The following STARD13 variants were observed in gnomAD, a reference collection of about 807,000 sequenced individuals.
STARD13 encodes the protein StAR related lipid transfer domain containing 13.
In STARD13, 62 loss-of-function variants were observed where a neutral mutation model predicts 106.4. The observed-to-expected ratio is 0.58, with a 90% confidence interval of 0.48 to 0.72. The LOEUF (loss-of-function observed/expected upper bound fraction) is 0.72. Among genes scored for constraint, STARD13 ranks in the 30% least tolerant of loss-of-function variants. The probability of loss-of-function intolerance (pLI) is 0.00; values close to 1 mark genes in which losing one functional copy is unlikely to be tolerated. For missense variants in STARD13, 1,387 were observed against 1,424.0 expected, an observed-to-expected ratio of 0.97 and a Z score of 0.42; for synonymous variants, 565 against 553.0, an observed-to-expected ratio of 1.02 and a Z score of -0.31.
chr13:33,251,302 A>G (rs1167604748), intron 1 of STARD13, among the ~76,000 whole-genome samples: 2 of 152,144 alleles, frequency 1.3e-5, no homozygotes, highest in African/African-American at 4.8e-5. Context: ...AAATGACAAG[A>G]TTCTGTGGCT....
chr13:33,631,157 C>T, the STARD13 span, among the ~76,000 whole-genome samples: 2 of 152,218 alleles, frequency 1.3e-5, no homozygotes, highest in Admixed American at 1.3e-4. Flanking sequence ...ACAAGACTCA[C>T]TTGGTAGCCT....
intron 1 of STARD13, chr13:33,188,174 G>A (rs1375468320): frequency 2.0e-5 from 3 of 152,210 alleles, no homozygotes; most frequent in Non-Finnish European, 4.4e-5. Context: ...AGATGTTCCA[G>A]TGCCCAGGTG....
At chr13:33,163,601 A>ATATATATATATATATATATAT (rs1555239797) in intron 3 of STARD13, among the ~76,000 whole-genome samples, 1 of 130,674 alleles carries the variant, frequency 7.7e-6, no homozygotes, top group Non-Finnish European at 1.6e-5. Flanking sequence ...AAAAAAAAAA[A>ATATATATATATATATATATAT]AAAAATATAT....
intron 3 of STARD13, among the ~76,000 whole-genome samples, chr13:33,149,746 C>T (rs538421305): frequency 7.2e-5 from 11 of 152,262 alleles, no homozygotes; most frequent in African/African-American, 2.4e-4. Context: ...GAAACATATC[C>T]CTGACAGATG....
intron 4 of STARD13, among the ~76,000 whole-genome samples, chr13:33,137,681 G>C (rs1269144754): frequency 1.3e-5 from 2 of 152,324 alleles, no homozygotes; most frequent in Middle Eastern, 3.4e-3. Flanking sequence ...GTGAGGGAGA[G>C]GGATGCACTA....
the STARD13 span, among the ~76,000 whole-genome samples, chr13:33,517,464 G>A: frequency 1.3e-5 from 2 of 152,104 alleles, no homozygotes; most frequent in African/African-American, 4.8e-5. Flanking sequence ...ACCAAAGTTG[G>A]CAGAACAGGG....
chr13:33,448,909 C>A, the STARD13 span, among the ~76,000 whole-genome samples: 3 of 151,768 alleles, frequency 2.0e-5, no homozygotes, highest in Admixed American at 2.0e-4. Context: ...TAAAGTCAGG[C>A]CTTTTGCCCA....
chr13:33,272,566 G>A (rs987629635), intron 1 of STARD13: 1 of 152,172 alleles, frequency 6.6e-6, no homozygotes. Flanking sequence ...CAAACCCTGA[G>A]TCTTTTCATG....
At chr13:33,509,093 C>T in the STARD13 span, among the ~76,000 whole-genome samples, 1 of 152,166 alleles carries the variant, frequency 6.6e-6, no homozygotes. Context: ...ACTAAAACAT[C>T]ATTATGCAAT....
chr13:33,413,994 C>T, the STARD13 span, among the ~76,000 whole-genome samples: 1 of 144,072 alleles, frequency 6.9e-6, no homozygotes, highest in Admixed American at 7.1e-5. Context: ...GATTGAACCA[C>T]TGCACTCCAG....
chr13:33,230,340 G>A (rs1888852552), intron 1 of STARD13, among the ~76,000 whole-genome samples: 1 of 152,160 alleles, frequency 6.6e-6, no homozygotes, highest in South Asian at 2.1e-4. Context: ...ATCCTACCTT[G>A]GTTAGAAAGA....
the STARD13 span, among the ~76,000 whole-genome samples, chr13:33,419,282 G>T: frequency 6.6e-6 from 1 of 152,118 alleles, no homozygotes; most frequent in Admixed American, 6.6e-5. Context: ...ATGACCTGAT[G>T]GAGCTGAAAA....
chr13:33,170,626 A>C (rs565659046), intron 1 of STARD13, among the ~76,000 whole-genome samples: 4 of 152,328 alleles, frequency 2.6e-5, no homozygotes, highest in Non-Finnish European at 4.4e-5. Context: ...CAATGAGTAA[A>C]TATCATAAAT....
the STARD13 span, among the ~76,000 whole-genome samples, chr13:33,460,877 A>G: frequency 1.3e-5 from 2 of 152,380 alleles, no homozygotes; most frequent in Admixed American, 1.3e-4. Context: ...TGTGTGTGCT[A>G]TTCATACAAT....
intron 1 of STARD13, among the ~76,000 whole-genome samples, chr13:33,212,616 T>G (rs976327903): frequency 6.6e-6 from 1 of 152,148 alleles, no homozygotes; most frequent in Non-Finnish European, 1.5e-5. Flanking sequence ...TGGAGCCTAT[T>G]TTCAAGTCGC....
the STARD13 span, among the ~76,000 whole-genome samples, chr13:33,573,368 T>C: frequency 6.6e-6 from 1 of 152,208 alleles, no homozygotes; most frequent in Non-Finnish European, 1.5e-5. Flanking sequence ...TTTAAAGATC[T>C]TAAAAGTATG....
At chr13:33,347,447 A>G (rs2078029488), downstream of STARD13, among the ~76,000 whole-genome samples, 1 of 152,018 alleles carries the variant, frequency 6.6e-6, no homozygotes, top group African/African-American at 2.4e-5. Flanking sequence ...GGGTTTCACT[A>G]TGTTGGCCAG....
At chr13:33,534,834 A>G in the STARD13 span, among the ~76,000 whole-genome samples, 1 of 152,358 alleles carries the variant, frequency 6.6e-6, no homozygotes, top group East Asian at 1.9e-4. Flanking sequence ...GACAAATGAA[A>G]CACTAACCCC....
At chr13:33,221,393 C>T (rs975892707) in intron 1 of STARD13, among the ~76,000 whole-genome samples, 10 of 152,270 alleles carry the variant, frequency 6.6e-5, no homozygotes, top group South Asian at 2.1e-4. Context: ...TGTTGTAGCA[C>T]GGTAAACATT....
Sources: gnomAD v4.1 joint callset for allele counts (sites outside exome capture counted in the v4.1 genomes callset) on GRCh38, gnomAD v4.1.1 for gene constraint, MANE v1.5 for transcripts, NCBI Gene and HGNC (gene_info 2026-07-23, HGNC 2026-07-21) for gene names.